Variants in COBLL1 observed in about 807,000 individuals in gnomAD.
The protein encoded by COBLL1 is cordon-bleu protein-like 1.
In COBLL1, 50 loss-of-function variants were observed where a neutral mutation model predicts 94.8. The ratio of observed to expected loss-of-function variants is 0.53; its 90% CI spans 0.42 to 0.67. COBLL1 has a LOEUF of 0.67. Ranked by LOEUF, COBLL1 falls within the 30% of genes least tolerant of loss-of-function variation. The probability of loss-of-function intolerance (pLI) is 0.00; values close to 1 mark genes in which losing one functional copy is unlikely to be tolerated. For missense variants in COBLL1, 1,362 were observed against 1,348.7 expected (o/e 1.01, Z -0.15); for synonymous variants, 448 against 473.8 (o/e 0.95, Z 0.71).
chr2:164,707,284 G>A (rs901093054), intron 7 of COBLL1, among the ~76,000 whole-genome samples: 5 of 152,060 alleles, frequency 3.3e-5, no homozygotes, highest in African/African-American at 1.2e-4. Flanking sequence ...GGGATTTCAG[G>A]CATGCAATAT....
intron 7 of COBLL1, among the ~76,000 whole-genome samples, chr2:164,719,332 T>A (rs1190527784): frequency 2.0e-5 from 3 of 152,218 alleles, no homozygotes; most frequent in African/African-American, 7.2e-5. Flanking sequence ...ACTGGAAGAA[T>A]ACCGAGACTG....
chr2:164,746,275 G>T (rs180910202), intron 2 of COBLL1, among the ~76,000 whole-genome samples: 10 of 152,060 alleles, frequency 6.6e-5, no homozygotes, highest in Non-Finnish European at 1.5e-4. Flanking sequence ...TAGTCTCAAC[G>T]AAACAACCAG....
Position 164,743,893 on chromosome 2 carries a change from C to A in COBLL1, c.42-18G>T, listed in dbSNP as rs376312508. 20 of 1,475,558 alleles carry A rather than the reference C, an allele frequency of 1.4e-5. No homozygotes were observed. The highest frequency in any genetic ancestry group is 1.3e-4 in the African/African-American group (9 of 69,666). 91.4% of individuals were successfully genotyped at this position (1,475,558 alleles called of 1,614,324 possible). On this transcript the variant is annotated intron_variant, in intron 2 of 13. Coordinates refer to ENST00000652658, the MANE Select transcript of COBLL1 (RefSeq NM_001365672.2). ...GTTTTCTCCTAAAATATAAAGAAAA[C>A]ACAAAAAATACAAAATATTTTATTT... is the stretch of plus-strand genomic sequence containing the variant.
At chr2:164,826,640 G>A (rs1473827625) in intron 2 of COBLL1, among the ~76,000 whole-genome samples, 1 of 152,188 alleles carries the variant, frequency 6.6e-6, no homozygotes, top group Non-Finnish European at 1.5e-5. Context: ...TGGAGGTCCA[G>A]GTCCTGTCTC....
chr2:164,808,393 C>T lies in COBLL1; in HGVS notation c.41+32763G>A, dbSNP rs1574628241. 6.6e-5 allele frequency among the ~76,000 whole-genome samples: 10 copies of T among 152,184 alleles called. No homozygotes were observed. In the South Asian group the frequency reaches 2.1e-3, roughly 32 times the overall value. On this transcript the variant is annotated intron_variant, in intron 2 of 13. Coordinates refer to ENST00000652658, the MANE Select transcript of COBLL1 (RefSeq NM_001365672.2). ...AGGTTTACAATTTTTGAGTCTAGTT[C>T]TAATAGTTTTTCTGTCTCCTTTTGT...
chr2:164,700,277 C>T (rs1684181124), intron 10 of COBLL1, among the ~76,000 whole-genome samples: 1 of 152,060 alleles, frequency 6.6e-6, no homozygotes, highest in Admixed American at 6.6e-5. Context: ...TTTTGAATCA[C>T]ACAAACTATT....
rs1299347847 is a variant in COBLL1, at chr2:164,747,588, A to T, written c.42-3713T>A. The stretch of plus-strand genomic sequence containing the variant: ...ATCCTCTATCTCCCAGGTTCAAGCG[A>T]TTCTTGTGCCTTAGCCTCCTGGGTA... On this transcript the variant is annotated intron_variant, in intron 2 of 13. Coordinates refer to ENST00000652658, the MANE Select transcript of COBLL1 (RefSeq NM_001365672.2). Among the ~76,000 whole-genome samples, 4 of 152,094 alleles carry T rather than the reference A, an allele frequency of 2.6e-5. No individual in the cohort carries two copies. The East Asian group carries it at 5.8e-4, about 22-fold the overall frequency.
At chr2:164,825,500 T>G (rs952136456) in intron 2 of COBLL1, among the ~76,000 whole-genome samples, 1 of 152,196 alleles carries the variant, frequency 6.6e-6, no homozygotes, top group Non-Finnish European at 1.5e-5. Flanking sequence ...TTGAAAATAT[T>G]GCTGTACAGT....
In COBLL1 at chr2:164,695,107, T is replaced by C. The variant is rs1386693240; in HGVS notation, c.2285A>G (p.His762Arg). 5 of 1,613,852 alleles carry C rather than the reference T, an allele frequency of 3.1e-6. No individual in the cohort carries two copies. The highest frequency in any genetic ancestry group is 2.7e-5 in the African/African-American group (2 of 74,898). The change falls in exon 12 of 14, where the codon CAT becomes CGT. Residue 762 changes from histidine (H) to arginine (R), a missense_variant. By Grantham distance (29) the His-to-Arg change is conservative. Coordinates refer to ENST00000652658, the MANE Select transcript of COBLL1 (RefSeq NM_001365672.2). ...TIEYKDDQDM[H>R]ALGKKHTHEN... ...ATGAGTGTGCTTTTTCCCTAAAGCA[T>C]GCATGTCCTGATCATCTTTATACTC...
intron 4 of COBLL1, 108 bp downstream of exon 4, chr2:164,729,806 A>G (rs1224533270): frequency 1.1e-6 from 1 of 921,246 alleles, no homozygotes; most frequent in Admixed American, 2.2e-5. Flanking sequence ...AAAACATAAT[A>G]CTCACATTCA....
intron 7 of COBLL1, among the ~76,000 whole-genome samples, chr2:164,712,226 G>A (rs866800656): frequency 2.7e-4 from 41 of 152,182 alleles, no homozygotes; most frequent in African/African-American, 8.2e-4. Flanking sequence ...TGAAATTGAC[G>A]TATCCTGGAT....
At chr2:164,833,575 C>T (rs1008827729) in intron 2 of COBLL1, among the ~76,000 whole-genome samples, 4 of 151,838 alleles carry the variant, frequency 2.6e-5, no homozygotes, top group Non-Finnish European at 5.9e-5. Flanking sequence ...CTCAGCCTCC[C>T]GAGTAGCTGG....
At chr2:164,729,350 A>T (rs1277158248) in intron 4 of COBLL1, among the ~76,000 whole-genome samples, 2 of 151,846 alleles carry the variant, frequency 1.3e-5, no homozygotes, top group East Asian at 1.9e-4. Flanking sequence ...TATTGCTTAT[A>T]GCAATAGAAC....
intron 3 of COBLL1, among the ~76,000 whole-genome samples, chr2:164,736,444 T>A (rs1200183886): frequency 1.3e-5 from 2 of 152,160 alleles, no homozygotes; most frequent in African/African-American, 4.8e-5. Flanking sequence ...TGAAGATAAA[T>A]AGTAATAGGT....
chr2:164,839,029 G>A (rs930417010), intron 2 of COBLL1, among the ~76,000 whole-genome samples: 2 of 152,094 alleles, frequency 1.3e-5, no homozygotes, highest in Non-Finnish European at 2.9e-5. Context: ...ATATGCCAAA[G>A]GACAAGTTAG....
At chr2:164,718,325 GA>G in intron 7 of COBLL1, 1 of 795,726 alleles carries the variant, frequency 1.3e-6, no homozygotes, top group Non-Finnish European at 1.5e-6. Context: ...TTTATCTTTA[GA>G]GGATGAGGTA....
At chr2:164,686,778 A>G (rs1162934435) in intron 13 of COBLL1, among the ~76,000 whole-genome samples, 5 of 152,198 alleles carry the variant, frequency 3.3e-5, no homozygotes, top group African/African-American at 1.2e-4. Flanking sequence ...CTATATTTTG[A>G]AACATCATAC....
intron 2 of COBLL1, among the ~76,000 whole-genome samples, chr2:164,768,229 A>C (rs1036412425): frequency 3.3e-5 from 5 of 152,172 alleles, no homozygotes; most frequent in Non-Finnish European, 7.3e-5. Context: ...ATTTGTAAGA[A>C]AGGCAGTAGA....
chr2:164,826,059 T>C (rs1685414346), intron 2 of COBLL1, among the ~76,000 whole-genome samples: 1 of 152,204 alleles, frequency 6.6e-6, no homozygotes, highest in African/African-American at 2.4e-5. Context: ...GACTTTACCA[T>C]AGAAAATTTT....
Sources: gnomAD v4.1 joint callset for allele counts (sites outside exome capture counted in the v4.1 genomes callset) on GRCh38, gnomAD v4.1.1 for gene constraint, MANE v1.5 for transcripts, NCBI Gene and HGNC (gene_info 2026-07-23, HGNC 2026-07-21) for gene names.